DLGAP1: variants seen among roughly 807,000 people sequenced by gnomAD.
The protein encoded by DLGAP1 is DLG associated protein 1.
DLGAP1 carries 11 observed loss-of-function variants against 90.8 expected under a neutral mutation model. The observed-to-expected ratio is 0.12, with a 90% confidence interval of 0.08 to 0.20. The LOEUF (loss-of-function observed/expected upper bound fraction) is 0.20. DLGAP1 is among the 10% of genes least tolerant of loss of function. The probability of loss-of-function intolerance (pLI) is 1.00; values close to 1 mark genes in which losing one functional copy is unlikely to be tolerated. For missense variants in DLGAP1, 1,050 were observed against 1,333.8 expected, an observed-to-expected ratio of 0.79 and a Z score of 3.31; for synonymous variants, 558 against 540.7, an observed-to-expected ratio of 1.03 and a Z score of -0.44.
intron 3 of DLGAP1, among the ~76,000 whole-genome samples, chr18:3,999,298 A>T (rs2074133028): frequency 6.6e-6 from 1 of 152,088 alleles, no homozygotes; most frequent in Non-Finnish European, 1.5e-5. Flanking sequence ...ATTATTATTA[A>T]AAGTTTATAT....
intron 1 of DLGAP1, among the ~76,000 whole-genome samples, chr18:4,260,533 T>G (rs1448433279): frequency 6.6e-6 from 1 of 152,228 alleles, no homozygotes; most frequent in Non-Finnish European, 1.5e-5. Flanking sequence ...TTCTCACAGA[T>G]TCTTCAAGTC....
At position 3,888,063 on chromosome 18, in the gene DLGAP1, G is replaced by A. The variant is rs993567811; in HGVS notation, c.-72-7923C>T. On this transcript the variant is annotated intron_variant, in intron 3 of 12. Transcript: ENST00000315677. ...GCGGAGCTTGCAGTGAGCCGAGATC[G>A]CGCCACTGCACTGCAGCCTGGACAA... Among the ~76,000 whole-genome samples, 19 of 132,670 alleles carry A rather than the reference G, an allele frequency of 1.4e-4. 1 individual carries two copies. The highest frequency in any genetic ancestry group is 2.3e-4 in the East Asian group (1 of 4,436). 87.0% of individuals were successfully genotyped at this position (132,670 alleles called of 152,430 possible).
chr18:3,992,410 G>C (rs1319311466), intron 3 of DLGAP1, among the ~76,000 whole-genome samples: 1 of 152,296 alleles, frequency 6.6e-6, no homozygotes, highest in Admixed American at 6.5e-5. Flanking sequence ...GGGTACGGTG[G>C]TTTACGCCTG....
intron 1 of DLGAP1, among the ~76,000 whole-genome samples, chr18:4,354,887 CAAAAAAAAAAAAAAAAAAAAAAAA>C (rs60379984): frequency 1.3e-4 from 3 of 23,848 alleles, no homozygotes; most frequent in Non-Finnish European, 1.7e-4. Context: ...TTACTCTCAC[CAAAAAAAAAAAAAAAAAAAAAAAA>C]AAAAAAAAAA....
intron 5 of DLGAP1, among the ~76,000 whole-genome samples, chr18:3,752,601 ACTCT>A (rs1308461092): frequency 3.3e-5 from 3 of 91,394 alleles, no homozygotes; most frequent in African/African-American, 4.3e-5. Context: ...CTCTCTCTCC[ACTCT>A]CTCTCTTTCT....
intron 1 of DLGAP1, among the ~76,000 whole-genome samples, chr18:4,334,509 G>A (rs2081027490): frequency 6.6e-6 from 1 of 151,814 alleles, no homozygotes; most frequent in Admixed American, 6.6e-5. Context: ...AATGATGGCT[G>A]GAAGATTCCT....
chr18:3,540,577 C>T (rs973244853), intron 9 of DLGAP1, among the ~76,000 whole-genome samples: 14 of 150,754 alleles, frequency 9.3e-5, no homozygotes, highest in African/African-American at 2.2e-4. Context: ...CATGGGAGGG[C>T]GCAGGCATAA....
In DLGAP1 at chr18:3,880,046, C is replaced by A. The variant is rs530636110; in HGVS notation, c.23G>T (p.Arg8Leu). MKGLSGS[R>L]SHHHGVTCDS... is the part of the protein sequence containing the mutation. Reference sequence around the variant, plus strand: ...GCAGGTGACCCCGTGGTGATGGCTGCGGCTGCCTGATAGCCCTTTCATGGC... The same window carrying A: ...GCAGGTGACCCCGTGGTGATGGCTGAGGCTGCCTGATAGCCCTTTCATGGC... Residue 8 changes from arginine to leucine, a missense_variant, in exon 4 of 13, where the codon CGC becomes CTC. Physicochemically the swap from Arg to Leu is moderately radical, Grantham distance 102. This residue lies in a region of DLGAP1 where 485 missense variants were observed against 454.1 expected (regional missense o/e 1.07). Transcript: ENST00000315677. The A allele has an allele frequency of 4.4e-6, 7 of 1,603,300 alleles. No individual in the cohort carries two copies. In the East Asian group the frequency reaches 1.6e-4, roughly 36 times the overall value.
intron 3 of DLGAP1, among the ~76,000 whole-genome samples, chr18:3,988,233 T>C (rs1254010565): frequency 1.3e-5 from 2 of 152,072 alleles, no homozygotes; most frequent in African/African-American, 2.4e-5. Context: ...CCAGAACCTA[T>C]GGGGATTTGA....
intron 2 of DLGAP1, among the ~76,000 whole-genome samples, chr18:4,104,162 A>G (rs909238065): frequency 3.3e-5 from 5 of 151,972 alleles, no homozygotes; most frequent in African/African-American, 1.2e-4. Context: ...TTTCTTAAAG[A>G]TTCAGTAGAA....
intron 3 of DLGAP1, among the ~76,000 whole-genome samples, chr18:3,904,682 C>T (rs1441472146): frequency 1.3e-5 from 2 of 152,198 alleles, no homozygotes; most frequent in Admixed American, 1.3e-4. Context: ...GAGGGACACA[C>T]AGCCCTCATA....
intron 3 of DLGAP1, chr18:3,986,414 CTT>C (rs74270577): frequency 8.6e-4 from 127 of 147,938 alleles, no homozygotes; most frequent in African/African-American, 1.3e-3. Flanking sequence ...TTTGATTTAA[CTT>C]TTTTTTTTTT....
chr18:3,640,393 G>A (rs2146305675), intron 7 of DLGAP1, among the ~76,000 whole-genome samples: 1 of 152,322 alleles, frequency 6.6e-6, no homozygotes, highest in South Asian at 2.1e-4. Context: ...ATCTTCGAAA[G>A]CACTTCAAAG....
chr18:3,556,186 G>A (rs1223642130), intron 9 of DLGAP1, among the ~76,000 whole-genome samples: 2 of 152,106 alleles, frequency 1.3e-5, no homozygotes, highest in Non-Finnish European at 2.9e-5. Context: ...TGAGCACAAA[G>A]TAGGGAACTC....
In DLGAP1 at chr18:3,765,279, C is replaced by T. The variant is rs372221005; in HGVS notation, c.1173-22767G>A. ...CCGAGTAGCTGGAACTACAGGCGCC[C>T]GCCACCACGCCTGGCTAGTTTTTTG... On this transcript the variant is annotated intron_variant, in intron 5 of 12. Coordinates refer to ENST00000315677, the MANE Select transcript of DLGAP1 (RefSeq NM_004746.4). Among the ~76,000 whole-genome samples, 207 of 150,804 alleles carry T rather than the reference C, an allele frequency of 1.4e-3. 1 individual carries two copies. The highest frequency in any genetic ancestry group is 4.3e-3 in the African/African-American group (176 of 40,960).
intron 1 of DLGAP1, among the ~76,000 whole-genome samples, chr18:4,374,687 G>A (rs969694919): frequency 6.6e-6 from 1 of 152,104 alleles, no homozygotes. Flanking sequence ...AAAGGTAAAT[G>A]TTAAGAAATA....
At chr18:3,667,553 T>C (rs57899013) in intron 7 of DLGAP1, among the ~76,000 whole-genome samples, 2,987 of 152,306 alleles carry the variant, frequency 0.02, 82 homozygotes, top group Admixed American at 0.076. Flanking sequence ...CATTCTGTGA[T>C]GTTGAAAGGG....
chr18:4,376,265 T>A (rs1448674558), intron 1 of DLGAP1, among the ~76,000 whole-genome samples: 2 of 152,192 alleles, frequency 1.3e-5, no homozygotes, highest in African/African-American at 4.8e-5. Flanking sequence ...ATTCAGTAAT[T>A]ACTTTTGGCA....
intron 7 of DLGAP1, among the ~76,000 whole-genome samples, chr18:3,600,785 T>TATATATAG (rs1202615293): frequency 0.011 from 797 of 74,084 alleles, 155 homozygotes; most frequent in African/African-American, 0.039. Context: ...GATATATAGA[T>TATATATAG]ATATATAGAT....
Sources: gnomAD v4.1 joint callset for allele counts (sites outside exome capture counted in the v4.1 genomes callset) on GRCh38, gnomAD v4.1.1 for gene constraint, gnomAD v4.1.1 regional missense constraint, MANE v1.5 for transcripts, NCBI Gene and HGNC (gene_info 2026-07-23, HGNC 2026-07-21) for gene names.